RGS4: variants seen among roughly 807,000 people sequenced by gnomAD.
The protein encoded by RGS4 is schizophrenia disorder 9.
A neutral mutation model predicts 21.6 loss-of-function variants in RGS4; 15 were observed. The ratio of observed to expected loss-of-function variants is 0.69; its 90% CI spans 0.46 to 1.07. The LOEUF is 1.07. Among genes scored for constraint, RGS4 ranks in the 50% least tolerant of loss-of-function variants. RGS4 has a pLI of 0.00. For missense variants in RGS4, 237 were observed against 239.0 expected (o/e 0.99, Z 0.06); for synonymous variants, 94 against 85.5 (o/e 1.10, Z -0.55).
chr1:163,073,716 G>T, intron 4 of RGS4, 94 bp downstream of exon 4: 1 of 793,316 alleles, frequency 1.3e-6, no homozygotes, highest in Non-Finnish European at 2.0e-6. Flanking sequence ...AATCAAATCA[G>T]GGCAATTGCT....
rs1655503317 is a variant in RGS4, at chr1:163,076,390, C to T, written c.*1830C>T. ...CTCTGGCAATCTTGCCCTTAATATCCCTGGAGTTCCTCATCAGTGTCATTT... is the reference window on the plus strand; with the variant it reads ...CTCTGGCAATCTTGCCCTTAATATCTCTGGAGTTCCTCATCAGTGTCATTT... On this transcript the variant is annotated 3_prime_UTR_variant, in exon 5 of 5. Transcript: ENST00000367909. 1 of 152,470 alleles carries T rather than the reference C, an allele frequency of 6.6e-6. No individual in the cohort carries two copies. Among genetic ancestry groups the T allele is most frequent in the Non-Finnish European group, 1.5e-5 (1 of 68,006 alleles). 9.4% of individuals were successfully genotyped at this position (152,470 alleles called of 1,614,324 possible). A position where few individuals can be genotyped will look rare whatever the true frequency, so the allele number is the denominator to read the frequency against.
At position 163,074,329 on chromosome 1, in the gene RGS4, G is replaced by A. The variant is rs749467145; in HGVS notation, c.387G>A (p.Leu129=). ...ISVQATKEVN[L]DSCTREETSR... is the part of the protein sequence containing the mutation. ...TGGCCTTTGCCCCTCAGGTGAACCT[G>A]GATTCTTGCACCAGGGAAGAGACAA... The change falls in exon 5 of 5, where the codon CTG becomes CTA. Residue 129 remains leucine (L), a synonymous_variant. Transcript: ENST00000367909. The A allele has an allele frequency of 6.2e-7, 1 of 1,613,730 alleles. No homozygotes were observed. The highest frequency in any genetic ancestry group is 8.5e-7 in the Non-Finnish European group (1 of 1,179,772).
rs1424604334 is a variant in RGS4 at position 163,069,545 on chromosome 1, C to A, written c.44+17C>A. 4 of 1,598,836 alleles carry A rather than the reference C, an allele frequency of 2.5e-6. No individual in the cohort carries two copies. The highest frequency in any genetic ancestry group is 3.4e-6 in the Non-Finnish European group (4 of 1,167,792). On this transcript the variant is annotated intron_variant, in intron 1 of 4. Coordinates refer to ENST00000367909, the MANE Select transcript of RGS4 (RefSeq NM_005613.6). Reference sequence around the variant, plus strand: ...CTTGAGGAGGTAAGATTGCTTTCAGCCATTAACCATATTAAACTTTTGGCT... The same window carrying A: ...CTTGAGGAGGTAAGATTGCTTTCAGACATTAACCATATTAAACTTTTGGCT...
Position 163,074,358 on chromosome 1 carries a change from G to A in RGS4, c.416G>A (p.Arg139Gln), listed in dbSNP as rs760561420. Residue 139 changes from arginine to glutamine, a missense_variant, in exon 5 of 5, where the codon CGG becomes CAG. Transcript: ENST00000367909. Reference protein sequence around the residue: ...LDSCTREETSRNMLEPTITCF... With the variant: ...LDSCTREETSQNMLEPTITCF... ...TCTTGCACCAGGGAAGAGACAAGCCGGAACATGCTAGAGCCTACAATAACC... is the reference window on the plus strand; with the variant it reads ...TCTTGCACCAGGGAAGAGACAAGCCAGAACATGCTAGAGCCTACAATAACC... 14 of 1,613,702 alleles carry A rather than the reference G, an allele frequency of 8.7e-6. 1 individual carries two copies. Among genetic ancestry groups the A allele is most frequent in the Middle Eastern group, 1.6e-4 (1 of 6,072 alleles).
intron 1 of RGS4, among the ~76,000 whole-genome samples, chr1:163,070,216 A>AT (rs1036658461): frequency 1.1e-4 from 16 of 152,160 alleles, no homozygotes; most frequent in Middle Eastern, 3.4e-3. Flanking sequence ...TACTCCCTTG[A>AT]TTTTTTTAAA....
intron 3 of RGS4, 51 bp from the exon 4 acceptor site, chr1:163,073,405 A>G (rs1412222916): frequency 6.9e-7 from 1 of 1,456,562 alleles, no homozygotes; most frequent in Non-Finnish European, 9.1e-7. Context: ...TAGCATATCC[A>G]AGAGGCCAAC....
intron 4 of RGS4, 92 bp downstream of exon 4, chr1:163,073,714 C>T (rs1655404931): frequency 1.2e-6 from 1 of 811,486 alleles, no homozygotes; most frequent in Non-Finnish European, 1.9e-6. Context: ...ACAATCAAAT[C>T]AGGGCAATTG....
Position 163,076,018 on chromosome 1 carries a change from C to T in RGS4, c.*1458C>T, listed in dbSNP as rs567902018. ...TTACTGTTTGAAACTTTTCAAGGCA[C>T]ATTGAAATACTTGAAAACTTCTCAT... On this transcript the variant is annotated 3_prime_UTR_variant, in exon 5 of 5. Transcript: ENST00000367909. The T allele has an allele frequency of 1.3e-5, 2 of 152,508 alleles. No individual in the cohort carries two copies. Among genetic ancestry groups the T allele is most frequent in the South Asian group, 4.2e-4 (2 of 4,818 alleles). 9.4% of individuals were successfully genotyped at this position (152,508 alleles called of 1,614,324 possible). A position where few individuals can be genotyped will look rare whatever the true frequency, so the allele number is the denominator to read the frequency against.
At chr1:163,074,163 C>A in intron 4 of RGS4, 158 bp from the exon 5 acceptor site, 1 of 810,164 alleles carries the variant, frequency 1.2e-6, no homozygotes, top group Non-Finnish European at 2.0e-6. Context: ...ACCTTTCATA[C>A]TCTCTCACAT....
rs536142989 is a variant in RGS4, at chr1:163,075,637, C to T, written c.*1077C>T. The T allele has an allele frequency of 1.3e-5, 2 of 152,288 alleles. No homozygotes were observed. Among genetic ancestry groups the T allele is most frequent in the South Asian group, 4.1e-4 (2 of 4,826 alleles). The allele number at this position is 152,288 out of a possible 1,614,324, so 9.4% of individuals were successfully genotyped here. A position where few individuals can be genotyped will look rare whatever the true frequency, so the allele number is the denominator to read the frequency against. The stretch of plus-strand genomic sequence containing the variant: ...AGTTAAAGGTTACTGTTTTTATCCT[C>T]TATCCTTTTTTCCTTTCCTGATCAA... On this transcript the variant is annotated 3_prime_UTR_variant, in exon 5 of 5. Transcript: ENST00000367909.
chr1:163,075,720 A>G lies in RGS4; in HGVS notation c.*1160A>G, dbSNP rs1655472200. ...GCCATCAGATGAGGCTCCTTAGTTT[A>G]TTGTGGTTGGTTGTTTTTTCTTTAT... On this transcript the variant is annotated 3_prime_UTR_variant, in exon 5 of 5. Coordinates refer to ENST00000367909, the MANE Select transcript of RGS4 (RefSeq NM_005613.6). 6.6e-6 allele frequency: 1 copy of G among 151,874 alleles called. No individual in the cohort carries two copies. The highest frequency in any genetic ancestry group is 1.5e-5 in the Non-Finnish European group (1 of 67,970). 9.4% of individuals were successfully genotyped at this position (151,874 alleles called of 1,614,324 possible).
chr1:163,073,686 C>A, intron 4 of RGS4, 64 bp downstream of exon 4: 1 of 1,066,426 alleles, frequency 9.4e-7, no homozygotes. Flanking sequence ...TATTTTGATA[C>A]ATGCATACAA....
rs1245586598 is a variant in RGS4, at chr1:163,076,478, C to G, written c.*1918C>G. On this transcript the variant is annotated 3_prime_UTR_variant, in exon 5 of 5. Transcript: ENST00000367909. ...ACTTCAAATGTGTAACTTTATTGGT[C>G]TTGCCCTATTATAATTGTCATGACT... The G allele has an allele frequency of 1.3e-5, 2 of 152,542 alleles. No homozygotes were observed. The highest frequency in any genetic ancestry group is 2.9e-5 in the Non-Finnish European group (2 of 68,026). The allele number at this position is 152,542 out of a possible 1,614,324, so 9.4% of individuals were successfully genotyped here. A position where few individuals can be genotyped will look rare whatever the true frequency, so the allele number is the denominator to read the frequency against.
chr1:163,069,773 C>A (rs930572555), intron 1 of RGS4, among the ~76,000 whole-genome samples: 1 of 151,996 alleles, frequency 6.6e-6, no homozygotes, highest in East Asian at 1.9e-4. Context: ...TTCTTTAAGC[C>A]AGGTCTAAGA....
intron 2 of RGS4, 23 bp downstream of exon 2, chr1:163,072,522 A>C: frequency 6.8e-7 from 1 of 1,468,298 alleles, no homozygotes; most frequent in Non-Finnish European, 9.5e-7. Flanking sequence ...GCCTTGGTGA[A>C]GATGTACTTA....
chr1:163,075,645 T>C lies in RGS4; in HGVS notation c.*1085T>C, dbSNP rs1386852686. On this transcript the variant is annotated 3_prime_UTR_variant, in exon 5 of 5. Transcript: ENST00000367909. ...GTTACTGTTTTTATCCTCTATCCTT[T>C]TTTCCTTTCCTGATCAAGGTGCTCT... The C allele has an allele frequency of 2.0e-5, 3 of 152,156 alleles. No homozygotes were observed. Among genetic ancestry groups the C allele is most frequent in the Non-Finnish European group, 2.9e-5 (2 of 68,022 alleles). The allele number at this position is 152,156 out of a possible 1,614,324, so 9.4% of individuals were successfully genotyped here. A position where few individuals can be genotyped will look rare whatever the true frequency, so the allele number is the denominator to read the frequency against.
intron 2 of RGS4, 66 bp downstream of exon 2, chr1:163,072,565 G>A: frequency 8.2e-7 from 1 of 1,226,000 alleles, no homozygotes; most frequent in Non-Finnish European, 1.2e-6. Context: ...GATGTTCTGT[G>A]AGAAGGAACT....
At chr1:163,071,199 T>A (rs926484271) in intron 1 of RGS4, among the ~76,000 whole-genome samples, 4 of 152,024 alleles carry the variant, frequency 2.6e-5, no homozygotes, top group African/African-American at 9.7e-5. Flanking sequence ...GGATGTTGCA[T>A]CCCCTGAACA....
chr1:163,071,984 G>A (rs1655331682), intron 1 of RGS4: 11 of 986,384 alleles, frequency 1.1e-5, no homozygotes, highest in Admixed American at 1.2e-4. Flanking sequence ...AGAAGGTGGC[G>A]TGCAGCAAGG....
Sources: gnomAD v4.1 joint callset for allele counts (sites outside exome capture counted in the v4.1 genomes callset) on GRCh38, gnomAD v4.1.1 for gene constraint, MANE v1.5 for transcripts, NCBI Gene and HGNC (gene_info 2026-07-23, HGNC 2026-07-21) for gene names.